Variants in SYT1 observed in about 807,000 individuals in gnomAD.
The protein encoded by SYT1 is synaptotagmin 1.
In SYT1, 8 loss-of-function variants were observed where a neutral mutation model predicts 44.8. The ratio of observed to expected loss-of-function variants is 0.18; its 90% CI spans 0.10 to 0.32. The LOEUF (loss-of-function observed/expected upper bound fraction) is 0.32, where lower values mean the gene tolerates loss of function less well. Ranked by LOEUF, SYT1 falls within the 10% of genes least tolerant of loss-of-function variation. SYT1 has a pLI of 1.00. For missense variants in SYT1, 286 were observed against 509.3 expected, an observed-to-expected ratio of 0.56 and a Z score of 4.22; for synonymous variants, 154 against 188.8, an observed-to-expected ratio of 0.82 and a Z score of 1.51.
intron 1 of SYT1, among the ~76,000 whole-genome samples, chr12:78,887,423 G>C (rs1874811007): frequency 6.6e-6 from 1 of 151,974 alleles, no homozygotes; most frequent in Non-Finnish European, 1.5e-5. Flanking sequence ...CTTCTTCTAA[G>C]TGACAAGGTG....
intron 9 of SYT1, among the ~76,000 whole-genome samples, chr12:79,400,695 T>C (rs1196450403): frequency 6.6e-6 from 1 of 152,238 alleles, no homozygotes; most frequent in East Asian, 1.9e-4. Flanking sequence ...GACCACGCCA[T>C]GTCTGATAGT....
chr12:79,157,172 G>C (rs898389525), intron 3 of SYT1, among the ~76,000 whole-genome samples: 1 of 152,148 alleles, frequency 6.6e-6, no homozygotes, highest in Non-Finnish European at 1.5e-5. Flanking sequence ...CCTTTCCACT[G>C]TCAGGCAAGC....
At chr12:79,321,484 T>C in intron 8 of SYT1, among the ~76,000 whole-genome samples, 1 of 152,220 alleles carries the variant, frequency 6.6e-6, no homozygotes, top group East Asian at 1.9e-4. Flanking sequence ...AAGGTGCCTA[T>C]TTAAATTAGC....
At chr12:79,313,219 A>G (rs567103796) in intron 8 of SYT1, among the ~76,000 whole-genome samples, 1 of 152,230 alleles carries the variant, frequency 6.6e-6, no homozygotes, top group Non-Finnish European at 1.5e-5. Flanking sequence ...ACAGTTTCAC[A>G]TGTGTACATA....
chr12:79,024,758 A>C (rs1361541961), intron 2 of SYT1, among the ~76,000 whole-genome samples: 1 of 151,852 alleles, frequency 6.6e-6, no homozygotes, highest in Non-Finnish European at 1.5e-5. Context: ...GTTTTGGTAT[A>C]TCTGACATAC....
Position 79,299,588 on chromosome 12 carries a change from G to A in SYT1, c.810+37G>A. On this transcript the variant is annotated intron_variant, in intron 8 of 10. Coordinates refer to ENST00000261205, the MANE Select transcript of SYT1 (RefSeq NM_005639.3). ...ACTAGCATTTCTAACATCACAAGCT[G>A]TACTCGCCAGTTGCTGCTCATATAA... 3.8e-6 allele frequency: 6 copies of A among 1,599,302 alleles called. No individual in the cohort carries two copies. In the South Asian group the frequency reaches 4.5e-5, roughly 12 times the overall value.
intron 2 of SYT1, among the ~76,000 whole-genome samples, chr12:79,011,495 G>A (rs775888584): frequency 1.1e-4 from 16 of 151,754 alleles, no homozygotes; most frequent in Non-Finnish European, 2.4e-4. Flanking sequence ...ATAATATTAA[G>A]GAGAGAAAGT....
chr12:79,177,049 G>T (rs201302025), intron 3 of SYT1, among the ~76,000 whole-genome samples: 377 of 145,454 alleles, frequency 2.6e-3, no homozygotes, highest in African/African-American at 8.2e-3. Context: ...TTTTTTTTAT[G>T]TTTTTTTTTA....
At chr12:78,963,713 T>C (rs1256100206) in intron 1 of SYT1, among the ~76,000 whole-genome samples, 2 of 152,096 alleles carry the variant, frequency 1.3e-5, no homozygotes. Flanking sequence ...AACCCTTATA[T>C]GCTCTTGGTG....
chr12:79,065,739 T>C (rs1875795359), intron 3 of SYT1, among the ~76,000 whole-genome samples: 2 of 152,170 alleles, frequency 1.3e-5, no homozygotes, highest in African/African-American at 2.4e-5. Context: ...TTGAGATCTA[T>C]AGGAAAGTCA....
At chr12:78,940,734 T>C (rs1315516315) in intron 1 of SYT1, among the ~76,000 whole-genome samples, 1 of 152,100 alleles carries the variant, frequency 6.6e-6, no homozygotes, top group Non-Finnish European at 1.5e-5. Flanking sequence ...CAACATAAAT[T>C]TCTGGATGAC....
chr12:79,020,152 A>G (rs1872093119), intron 2 of SYT1, among the ~76,000 whole-genome samples: 3 of 152,030 alleles, frequency 2.0e-5, no homozygotes, highest in Admixed American at 2.0e-4. Flanking sequence ...TACAATACTA[A>G]GGATGTTCTT....
At chr12:79,323,392 A>C (rs1881459395) in intron 8 of SYT1, among the ~76,000 whole-genome samples, 1 of 152,208 alleles carries the variant, frequency 6.6e-6, no homozygotes, top group Non-Finnish European at 1.5e-5. Flanking sequence ...CACAGGCACA[A>C]ACTCCCAATG....
At chr12:79,306,670 A>G (rs886177738) in intron 8 of SYT1, among the ~76,000 whole-genome samples, 2 of 152,242 alleles carry the variant, frequency 1.3e-5, no homozygotes, top group Non-Finnish European at 2.9e-5. Context: ...ATAGAAATCA[A>G]TGTAAGTATT....
At chr12:79,133,543 C>A (rs1868988649) in intron 3 of SYT1, among the ~76,000 whole-genome samples, 1 of 151,922 alleles carries the variant, frequency 6.6e-6, no homozygotes, top group Non-Finnish European at 1.5e-5. Flanking sequence ...ATTATGTATC[C>A]AAAAAAATTA....
At chr12:78,970,656 T>C (rs1412547826) in intron 1 of SYT1, among the ~76,000 whole-genome samples, 4 of 152,190 alleles carry the variant, frequency 2.6e-5, no homozygotes, top group Non-Finnish European at 5.9e-5. Context: ...CTTCAGAGGA[T>C]AGCAAAGATG....
intron 9 of SYT1, among the ~76,000 whole-genome samples, chr12:79,383,690 A>G (rs1272357349): frequency 6.6e-6 from 1 of 152,182 alleles, no homozygotes; most frequent in Non-Finnish European, 1.5e-5. Flanking sequence ...AACAGCTTTC[A>G]AATTCTTTCA....
chr12:79,149,620 C>G (rs1272374833), intron 3 of SYT1, among the ~76,000 whole-genome samples: 1 of 152,012 alleles, frequency 6.6e-6, no homozygotes, highest in African/African-American at 2.4e-5. Flanking sequence ...AGAATCCATA[C>G]TTTATGGAAA....
chr12:79,218,706 AT>A (rs1362178109), intron 4 of SYT1, among the ~76,000 whole-genome samples: 5 of 152,094 alleles, frequency 3.3e-5, no homozygotes, highest in Non-Finnish European at 5.9e-5. Context: ...CCACGATTTC[AT>A]TTTTTTATAG....
Sources: gnomAD v4.1 joint callset for allele counts (sites outside exome capture counted in the v4.1 genomes callset) on GRCh38, gnomAD v4.1.1 for gene constraint, MANE v1.5 for transcripts, NCBI Gene and HGNC (gene_info 2026-07-23, HGNC 2026-07-21) for gene names.